The following ARFGEF1 variants were observed in gnomAD, a reference collection of about 807,000 sequenced individuals.
ARFGEF1 encodes brefeldin A-inhibited guanine nucleotide-exchange protein 1.
In ARFGEF1, 42 loss-of-function variants were observed where a neutral mutation model predicts 231.0. That is an observed-to-expected ratio of 0.18 (90% CI 0.14 to 0.24). ARFGEF1 has a LOEUF of 0.24. Among genes scored for constraint, ARFGEF1 ranks in the 10% least tolerant of loss-of-function variants. ARFGEF1 has a pLI of 1.00. For synonymous variants in ARFGEF1, 710 were observed against 732.3 expected, an observed-to-expected ratio of 0.97 and a Z score of 0.49; for missense variants, 1,345 against 2,192.0, an observed-to-expected ratio of 0.61 and a Z score of 7.72.
chr8:67,178,475 G>C (rs1832211418), intron 5 of ARFGEF1, among the ~76,000 whole-genome samples: 1 of 152,184 alleles, frequency 6.6e-6, no homozygotes, highest in Non-Finnish European at 1.5e-5. Context: ...CCTGTGACAG[G>C]TTACATTCCA....
rs558956077 is a variant in ARFGEF1, at chr8:67,255,968, T to C, written c.2526+1764A>G. ...CTTCAAAATAACATGAGTATGTACA[T>C]ATGTATAGGAAGACATTGCACAGGT... On this transcript the variant is annotated intron_variant, in intron 17 of 38. Coordinates refer to ENST00000262215, the MANE Select transcript of ARFGEF1 (RefSeq NM_006421.5). 3.3e-5 allele frequency among the ~76,000 whole-genome samples: 5 copies of C among 152,390 alleles called. No homozygotes were observed. In the East Asian group the frequency reaches 9.6e-4, roughly 29 times the overall value.
intron 4 of ARFGEF1, 61 bp from the exon 5 acceptor site, chr8:67,296,671 C>CA: frequency 7.5e-7 from 1 of 1,335,224 alleles, no homozygotes; most frequent in Non-Finnish European, 1.0e-6. Context: ...TTTTTGGAGA[C>CA]AGTCTTTCTC....
intron 1 of ARFGEF1, among the ~76,000 whole-genome samples, chr8:67,327,826 T>C (rs374071725): frequency 5.3e-5 from 8 of 152,376 alleles, no homozygotes; most frequent in African/African-American, 1.7e-4. Flanking sequence ...TCAGTAAGTA[T>C]ATTTCAAGCA....
chr8:67,183,375 C>G (rs1422527093), intron 5 of ARFGEF1, among the ~76,000 whole-genome samples: 1 of 152,128 alleles, frequency 6.6e-6, no homozygotes, highest in Non-Finnish European at 1.5e-5. Flanking sequence ...GGAACATTCA[C>G]CAGGACAGAT....
chr8:67,202,761 C>T lies in ARFGEF1; in HGVS notation c.5128+322G>A, dbSNP rs188448375. On this transcript the variant is annotated intron_variant, in intron 36 of 38. Transcript: ENST00000262215. ...AGGTTTTGTGTGTGCGACTTTTACA[C>T]ATATTTATTTCCTAATGAAAAGACA... Among the ~76,000 whole-genome samples the T allele has an allele frequency of 8.0e-3, 1,225 of 152,222 alleles. 12 individuals carry two copies. The highest frequency in any genetic ancestry group is 0.028 in the African/African-American group (1,168 of 41,534).
At chr8:67,242,586 TC>T (rs1839964483) in intron 19 of ARFGEF1, among the ~76,000 whole-genome samples, 1 of 152,176 alleles carries the variant, frequency 6.6e-6, no homozygotes, top group Non-Finnish European at 1.5e-5. Context: ...CGGGTGAGAC[TC>T]AGTACATTCC....
chr8:67,336,642 G>A (rs1462316284), intron 1 of ARFGEF1, among the ~76,000 whole-genome samples: 3 of 152,036 alleles, frequency 2.0e-5, no homozygotes, highest in Non-Finnish European at 4.4e-5. Flanking sequence ...TTTTTCCTTT[G>A]TATGTGACTG....
At chr8:67,225,750 G>A (rs112703372) in intron 28 of ARFGEF1, among the ~76,000 whole-genome samples, 2 of 152,076 alleles carry the variant, frequency 1.3e-5, no homozygotes, top group African/African-American at 2.4e-5. Context: ...TTCTTTGTCT[G>A]TATGGGGCTA....
intron 7 of ARFGEF1, among the ~76,000 whole-genome samples, chr8:67,279,670 C>T (rs1805456089): frequency 6.6e-6 from 1 of 152,062 alleles, no homozygotes; most frequent in Non-Finnish European, 1.5e-5. Context: ...ACTTTGAAGC[C>T]ACACCCCCGT....
rs377423199 is a variant in ARFGEF1, at chr8:67,184,744, TATAATA to T, written c.561-9178_561-9173del. On this transcript the variant is annotated intron_variant, in intron 5 of 5. Transcript: ENST00000518789. Reference sequence around the variant, plus strand: ...GTCTAAAAAAATAATAATAAAAAAATATAATAATAATAATAATAATAATAAAGGTTG... The same window carrying T: ...GTCTAAAAAAATAATAATAAAAAAATATAATAATAATAATAATAAAGGTTG... 1.3e-3 allele frequency among the ~76,000 whole-genome samples: 185 copies of T among 142,506 alleles called. 2 individuals carry two copies. In the South Asian group the frequency reaches 0.026, roughly 20 times the overall value. 93.5% of individuals were successfully genotyped at this position (142,506 alleles called of 152,430 possible). A position where few individuals can be genotyped will look rare whatever the true frequency, so the allele number is the denominator to read the frequency against.
chr8:67,340,825 A>G (rs1163293934), intron 1 of ARFGEF1, among the ~76,000 whole-genome samples: 1 of 152,214 alleles, frequency 6.6e-6, no homozygotes, highest in Non-Finnish European at 1.5e-5. Context: ...GGGACAAAAA[A>G]GTAAAAACTG....
chr8:67,208,545 G>A (rs1188415866), intron 34 of ARFGEF1, among the ~76,000 whole-genome samples: 1 of 147,904 alleles, frequency 6.8e-6, no homozygotes, highest in Non-Finnish European at 1.5e-5. Flanking sequence ...CAGGAGAATC[G>A]CTTGAACCCA....
At chr8:67,211,324 C>T (rs891001687) in intron 34 of ARFGEF1, among the ~76,000 whole-genome samples, 159 bp downstream of exon 34, 4 of 126,108 alleles carry the variant, frequency 3.2e-5, no homozygotes, top group South Asian at 2.4e-4. Context: ...CCAGACTGGG[C>T]GACAGAGTGA....
At chr8:67,266,773 G>A in intron 13 of ARFGEF1, 103 bp downstream of exon 13, 1 of 769,030 alleles carries the variant, frequency 1.3e-6, no homozygotes, top group Admixed American at 3.1e-5. Flanking sequence ...TCAGTTAAAT[G>A]AATAAATATG....
intron 19 of ARFGEF1, among the ~76,000 whole-genome samples, chr8:67,248,955 CT>C (rs112367908): frequency 0.024 from 3,615 of 150,048 alleles, 231 homozygotes; most frequent in South Asian, 0.047. Flanking sequence ...ATAAGATAAA[CT>C]TTTTTTTGTC....
intron 1 of ARFGEF1, among the ~76,000 whole-genome samples, chr8:67,305,193 G>C (rs979513143): frequency 6.6e-6 from 1 of 152,086 alleles, no homozygotes; most frequent in Non-Finnish European, 1.5e-5. Flanking sequence ...CTAACTACTA[G>C]ATAATAAAGG....
intron 1 of ARFGEF1, among the ~76,000 whole-genome samples, chr8:67,313,339 T>C (rs1807157537): frequency 6.6e-6 from 1 of 152,240 alleles, no homozygotes; most frequent in African/African-American, 2.4e-5. Flanking sequence ...GTGTGATTTT[T>C]GCGGGATGCT....
At chr8:67,183,370 A>G (rs985077693) in intron 5 of ARFGEF1, among the ~76,000 whole-genome samples, 1 of 152,228 alleles carries the variant, frequency 6.6e-6, no homozygotes, top group African/African-American at 2.4e-5. Context: ...CACATGGAAC[A>G]TTCACCAGGA....
At chr8:67,211,345 C>CA (rs375793043) in intron 34 of ARFGEF1, 138 bp downstream of exon 34, 24,656 of 245,870 alleles carry the variant, frequency 0.1, 198 homozygotes, top group East Asian at 0.13. Context: ...AACTCCGTCT[C>CA]AAAAAAAAAA....
Sources: gnomAD v4.1 joint callset for allele counts (sites outside exome capture counted in the v4.1 genomes callset) on GRCh38, gnomAD v4.1.1 for gene constraint, MANE v1.5 for transcripts, NCBI Gene and HGNC (gene_info 2026-07-23, HGNC 2026-07-21) for gene names.